The following NCKAP5 variants were observed in gnomAD, a reference collection of about 807,000 sequenced individuals.
NCKAP5 encodes NCK associated protein 5, also known as nck-associated protein 5.
In NCKAP5, 92 loss-of-function variants were observed where a neutral mutation model predicts 167.0. That is an observed-to-expected ratio of 0.55 (90% CI 0.47 to 0.66). The LOEUF is 0.66. NCKAP5 is among the 30% of genes least tolerant of loss of function. NCKAP5 has a pLI of 0.00. For missense variants in NCKAP5, 2,378 were observed against 2,315.0 expected (o/e 1.03, Z -0.56); for synonymous variants, 891 against 877.4 (o/e 1.02, Z -0.27).
intron 12 of NCKAP5, among the ~76,000 whole-genome samples, chr2:132,793,123 C>A (rs1684205327): frequency 6.6e-6 from 1 of 152,206 alleles, no homozygotes; most frequent in Admixed American, 6.5e-5. Flanking sequence ...GATTCTCCTG[C>A]CTCAGCCTTC....
Position 132,682,432 on chromosome 2 carries a change from C to T in NCKAP5, c.5714-9127G>A, listed in dbSNP as rs542935147. Among the ~76,000 whole-genome samples the T allele has an allele frequency of 7.9e-5, 12 of 152,196 alleles. No individual in the cohort carries two copies. In the South Asian group the frequency reaches 2.5e-3, roughly 32 times the overall value. On this transcript the variant is annotated intron_variant, in intron 19 of 19. Transcript: ENST00000409261. ...CCTTTGTTTATTCTTTAGGTATTTA[C>T]CAAGTACCTACAATGTACCAGAAAG...
At chr2:132,993,821 C>T (rs1248394604) in intron 7 of NCKAP5, among the ~76,000 whole-genome samples, 3 of 152,292 alleles carry the variant, frequency 2.0e-5, no homozygotes, top group Middle Eastern at 3.4e-3. Context: ...ATTCTCTCTC[C>T]TGTGCTCCCA....
At chr2:133,647,118 G>A in the NCKAP5 span, among the ~76,000 whole-genome samples, 37 of 152,116 alleles carry the variant, frequency 2.4e-4, 1 homozygote, top group African/African-American at 8.9e-4. Context: ...CAAGAGGATT[G>A]CTAAGGCCAG....
At chr2:132,881,413 G>A (rs1691738935) in intron 8 of NCKAP5, among the ~76,000 whole-genome samples, 1 of 152,098 alleles carries the variant, frequency 6.6e-6, no homozygotes, top group African/African-American at 2.4e-5. Flanking sequence ...GATCTCAGGT[G>A]ATCTGCCCGC....
chr2:133,223,061 C>T (rs1157425316), intron 4 of NCKAP5, among the ~76,000 whole-genome samples: 1 of 152,034 alleles, frequency 6.6e-6, no homozygotes, highest in Non-Finnish European at 1.5e-5. Context: ...CACATTTTTG[C>T]AGAGTAGAAG....
intron 19 of NCKAP5, among the ~76,000 whole-genome samples, chr2:132,708,913 C>T (rs1018279147): frequency 7.2e-5 from 11 of 152,018 alleles, no homozygotes; most frequent in African/African-American, 2.4e-4. Flanking sequence ...AATAGAAGCT[C>T]CTAATTTTCA....
the NCKAP5 span, among the ~76,000 whole-genome samples, chr2:133,674,754 T>C: frequency 1.3e-5 from 2 of 152,220 alleles, no homozygotes; most frequent in African/African-American, 4.8e-5. Context: ...ATCAATGTTC[T>C]AATGCTATTG....
intron 3 of NCKAP5, among the ~76,000 whole-genome samples, chr2:133,315,333 G>T (rs375308996): frequency 6.6e-6 from 1 of 152,146 alleles, no homozygotes; most frequent in Non-Finnish European, 1.5e-5. Flanking sequence ...TTCAATGTGG[G>T]ATATGAAATA....
chr2:133,271,722 A>AT (rs2089519773), intron 4 of NCKAP5, among the ~76,000 whole-genome samples: 1 of 152,210 alleles, frequency 6.6e-6, no homozygotes, highest in African/African-American at 2.4e-5. Context: ...AGCAGCTATA[A>AT]AAGACATTTG....
intron 3 of NCKAP5, among the ~76,000 whole-genome samples, chr2:133,358,548 G>C (rs1455235052): frequency 1.3e-5 from 2 of 152,122 alleles, no homozygotes; most frequent in Admixed American, 1.3e-4. Context: ...CTGTGCCCCA[G>C]CCTGGACAAC....
chr2:133,666,186 C>CTTTTTTTTTTTT, the NCKAP5 span, among the ~76,000 whole-genome samples: 106 of 114,102 alleles, frequency 9.3e-4, 1 homozygote, highest in African/African-American at 2.3e-3. Context: ...GATCTACATC[C>CTTTTTTTTTTTT]TTTTTTTTTT....
chr2:133,588,596 T>C, the NCKAP5 span, among the ~76,000 whole-genome samples: 1 of 152,178 alleles, frequency 6.6e-6, no homozygotes, highest in East Asian at 1.9e-4. Flanking sequence ...ATTAGAATTA[T>C]AGAAGTGAAC....
At chr2:133,560,201 G>GT (rs1287189370) in intron 1 of NCKAP5, among the ~76,000 whole-genome samples, 9 of 152,170 alleles carry the variant, frequency 5.9e-5, no homozygotes, top group African/African-American at 2.2e-4. Context: ...GAATATTTTC[G>GT]TAAGTATAAA....
intron 6 of NCKAP5, among the ~76,000 whole-genome samples, chr2:133,081,450 GA>G (rs1392365324): frequency 6.6e-6 from 1 of 152,100 alleles, no homozygotes; most frequent in African/African-American, 2.4e-5. Context: ...ACATTTTTCT[GA>G]ATCAGTTAAA....
intron 3 of NCKAP5, among the ~76,000 whole-genome samples, chr2:133,479,043 T>G (rs11887480): frequency 0.46 from 70,065 of 151,928 alleles, 16,434 homozygotes; most frequent in African/African-American, 0.55. Flanking sequence ...ATGTGTAGTG[T>G]TCAAATATAT....
the NCKAP5 span, among the ~76,000 whole-genome samples, chr2:133,598,684 T>C: frequency 4.6e-5 from 7 of 152,150 alleles, no homozygotes; most frequent in Non-Finnish European, 8.8e-5. Flanking sequence ...AGTCCCAAAA[T>C]AGGTGACCTG....
In NCKAP5 at chr2:132,993,377, C is replaced by G. The variant is rs547640427; in HGVS notation, c.429+775G>C. Reference sequence around the variant, plus strand: ...TTCTCATCTGTACAGGCAATCTGGACCATACTCAGATTAGATGTCCTGCTT... The same window carrying G: ...TTCTCATCTGTACAGGCAATCTGGAGCATACTCAGATTAGATGTCCTGCTT... On this transcript the variant is annotated intron_variant, in intron 7 of 19. Transcript: ENST00000409261. 1.6e-3 allele frequency among the ~76,000 whole-genome samples: 245 copies of G among 152,244 alleles called. 1 individual carries two copies. The highest frequency in any genetic ancestry group is 5.6e-3 in the African/African-American group (232 of 41,540).
the NCKAP5 span, among the ~76,000 whole-genome samples, chr2:133,593,336 TAAG>T: frequency 6.6e-6 from 1 of 151,596 alleles, no homozygotes; most frequent in East Asian, 1.9e-4. Context: ...GCACTATAGA[TAAG>T]GGGCTCTAGA....
In NCKAP5 at chr2:133,130,019, G is replaced by T; in HGVS notation, c.300C>A (p.Arg100=). Residue 100 remains arginine (R), a synonymous_variant, in exon 6 of 20, where the codon CGC becomes CGA. Coordinates refer to ENST00000409261, the MANE Select transcript of NCKAP5 (RefSeq NM_207363.3). ...RLQEVTLESE[R]NRIQMRSLQQ... Reference sequence around the variant, plus strand: ...GCAAGCTACGCATCTGAATTCTGTTGCGTTCAGACTCTAGGGTCACCTCCT... The same window carrying T: ...GCAAGCTACGCATCTGAATTCTGTTTCGTTCAGACTCTAGGGTCACCTCCT... 1 of 1,611,108 alleles carries T rather than the reference G, an allele frequency of 6.2e-7. No homozygotes were observed. The highest frequency in any genetic ancestry group is 1.1e-5 in the South Asian group (1 of 90,312).
Sources: gnomAD v4.1 joint callset for allele counts (sites outside exome capture counted in the v4.1 genomes callset) on GRCh38, gnomAD v4.1.1 for gene constraint, MANE v1.5 for transcripts, NCBI Gene and HGNC (gene_info 2026-07-23, HGNC 2026-07-21) for gene names.